Variants in SLC9A7 observed in about 807,000 individuals in gnomAD.
SLC9A7 encodes sodium/hydrogen exchanger 7.
SLC9A7 carries 19 observed loss-of-function variants against 52.6 expected under a neutral mutation model. That is an observed-to-expected ratio of 0.36 (90% confidence interval 0.25 to 0.53). The LOEUF is 0.53. SLC9A7 is among the 20% of genes least tolerant of loss of function. The pLI, the probability that SLC9A7 is intolerant of heterozygous loss-of-function variation, is 0.91. For missense variants in SLC9A7, 455 were observed against 597.9 expected (o/e 0.76, Z 2.49); for synonymous variants, 226 against 252.1 (o/e 0.90, Z 0.98).
chrX:46,739,624 G>A (rs1317358253), intron 1 of SLC9A7, among the ~76,000 whole-genome samples: 1 of 111,385 alleles, frequency 9.0e-6, no homozygotes, highest in Non-Finnish European at 1.9e-5. Context: ...AGGGATGAAA[G>A]TAGCTTTCTG....
chrX:46,711,955 A>G (rs1055864055), intron 1 of SLC9A7, among the ~76,000 whole-genome samples: 2 of 102,240 alleles, frequency 2.0e-5, no homozygotes, highest in East Asian at 3.2e-4. Flanking sequence ...CTGATATCCT[A>G]TTGGCCAAGT....
chrX:46,634,943 G>A (rs766863172), intron 13 of SLC9A7, among the ~76,000 whole-genome samples: 35 of 110,716 alleles, frequency 3.2e-4, no homozygotes, highest in Non-Finnish European at 6.4e-4. Flanking sequence ...AAGGAAAGAA[G>A]AAACATTAAA....
At chrX:46,733,086 G>C (rs772546726) in intron 1 of SLC9A7, among the ~76,000 whole-genome samples, 3 of 112,054 alleles carry the variant, frequency 2.7e-5, no homozygotes, top group Non-Finnish European at 3.8e-5. Flanking sequence ...AAGAAAAGTG[G>C]TTACTACAAT....
At chrX:46,734,227 G>C (rs763396301) in intron 1 of SLC9A7, among the ~76,000 whole-genome samples, 2 of 56,549 alleles carry the variant, frequency 3.5e-5, no homozygotes, top group South Asian at 2.6e-3. Context: ...AACCATTGTT[G>C]TAGATTAAAA....
At chrX:46,718,028 G>A (rs868730575) in intron 1 of SLC9A7, among the ~76,000 whole-genome samples, 2 of 111,471 alleles carry the variant, frequency 1.8e-5, no homozygotes, top group Non-Finnish European at 3.8e-5. Context: ...GAGGCATCAC[G>A]CTACCTGACT....
At chrX:46,719,455 A>T (rs1170975521) in intron 1 of SLC9A7, among the ~76,000 whole-genome samples, 2 of 111,755 alleles carry the variant, frequency 1.8e-5, no homozygotes, top group African/African-American at 6.5e-5. Flanking sequence ...AAAAAAATTT[A>T]TCCAACTGAC....
intron 1 of SLC9A7, among the ~76,000 whole-genome samples, chrX:46,710,068 C>T (rs892470396): frequency 8.9e-6 from 1 of 112,333 alleles, no homozygotes; most frequent in African/African-American, 3.2e-5. Flanking sequence ...TTTGTACTAT[C>T]ATATGTATTA....
At chrX:46,723,904 A>G (rs1602273420) in intron 1 of SLC9A7, among the ~76,000 whole-genome samples, 1 of 111,520 alleles carries the variant, frequency 9.0e-6, no homozygotes, top group Admixed American at 9.5e-5. Context: ...CCTGGCCAAC[A>G]TGGTGAAACC....
chrX:46,711,669 C>A (rs1944689112), intron 1 of SLC9A7, among the ~76,000 whole-genome samples: 1 of 110,728 alleles, frequency 9.0e-6, no homozygotes, highest in African/African-American at 3.3e-5. Flanking sequence ...GAACAAAGAC[C>A]AAAATAATGG....
At chrX:46,682,727 G>A (rs993984222) in intron 1 of SLC9A7, among the ~76,000 whole-genome samples, 192 bp from the exon 2 acceptor site, 1 of 111,136 alleles carries the variant, frequency 9.0e-6, no homozygotes, top group African/African-American at 3.3e-5. Flanking sequence ...ATTCTGGTCC[G>A]ATTTAAGTTG....
chrX:46,654,373 A>T (rs1015304196), intron 7 of SLC9A7, among the ~76,000 whole-genome samples: 1 of 110,204 alleles, frequency 9.1e-6, no homozygotes, highest in East Asian at 2.8e-4. Flanking sequence ...ACAGAGTGAG[A>T]CTCCGTCAAA....
intron 1 of SLC9A7, among the ~76,000 whole-genome samples, chrX:46,686,260 A>G (rs1944293984): frequency 8.9e-6 from 1 of 111,892 alleles, no homozygotes; most frequent in South Asian, 3.7e-4. Flanking sequence ...GGCAACACAA[A>G]ACACCACAGC....
intron 1 of SLC9A7, among the ~76,000 whole-genome samples, chrX:46,701,452 T>A (rs760156965): frequency 9.0e-6 from 1 of 111,075 alleles, no homozygotes; most frequent in East Asian, 2.8e-4. Context: ...CTGGGCACAG[T>A]GGCACATGCC....
chrX:46,717,890 A>G (rs1025444412), intron 1 of SLC9A7, among the ~76,000 whole-genome samples: 74 of 111,562 alleles, frequency 6.6e-4, no homozygotes, highest in Admixed American at 1.0e-3. Context: ...TCATAGATTC[A>G]ATGCCACCCC....
At chrX:46,660,269 A>G (rs1282736114) in intron 7 of SLC9A7, among the ~76,000 whole-genome samples, 1 of 111,528 alleles carries the variant, frequency 9.0e-6, no homozygotes, top group Non-Finnish European at 1.9e-5. Context: ...TAAAAACCCT[A>G]GAAGAAAACC....
At chrX:46,669,920 A>ACAT (rs200641924) in intron 4 of SLC9A7, among the ~76,000 whole-genome samples, 1,708 of 112,422 alleles carry the variant, frequency 0.015, 31 homozygotes, top group African/African-American at 0.041. Flanking sequence ...TCTTGCTGAA[A>ACAT]TATCTGAACA....
chrX:46,747,709 CT>C (rs755452271), intron 1 of SLC9A7, among the ~76,000 whole-genome samples: 20 of 111,411 alleles, frequency 1.8e-4, no homozygotes, highest in South Asian at 3.7e-4. Context: ...CAAAAAAACC[CT>C]GATTAAAAAT....
chrX:46,659,301 G>GAAAACT (rs1368027183), intron 7 of SLC9A7, among the ~76,000 whole-genome samples: 2 of 103,557 alleles, frequency 1.9e-5, no homozygotes, highest in African/African-American at 7.1e-5. Context: ...CATTCCCTTT[G>GAAAACT]AAAACTGGCA....
intron 1 of SLC9A7, among the ~76,000 whole-genome samples, chrX:46,695,002 T>C (rs1022808664): frequency 1.8e-5 from 2 of 112,044 alleles, no homozygotes; most frequent in Admixed American, 1.9e-4. Flanking sequence ...TATAATTCCA[T>C]TTCTATGAAG....
Sources: allele counts gnomAD v4.1 joint callset (sites outside exome capture counted in the v4.1 genomes callset), GRCh38; gene constraint gnomAD v4.1.1; transcripts MANE v1.5; gene names NCBI Gene and HGNC (gene_info 2026-07-23, HGNC 2026-07-21).